ANAPC13: variants seen among roughly 807,000 people sequenced by gnomAD.
The protein encoded by ANAPC13 is anaphase promoting complex subunit 13.
A neutral mutation model predicts 9.6 loss-of-function variants in ANAPC13; 9 were observed. That is an observed-to-expected ratio of 0.94 (90% CI 0.57 to 1.64). The LOEUF is 1.64. Ranked by LOEUF, ANAPC13 falls within the 40% of genes most tolerant of loss-of-function variation. The pLI is 0.00. For synonymous variants in ANAPC13, 30 were observed against 29.7 expected (o/e 1.01, Z -0.03); for missense variants, 75 against 85.3 (o/e 0.88, Z 0.48).
intron 2 of ANAPC13, among the ~76,000 whole-genome samples, chr3:134,481,540 G>T (rs908284893): frequency 6.6e-6 from 1 of 152,184 alleles, no homozygotes; most frequent in African/African-American, 2.4e-5. Flanking sequence ...CGTATATGAT[G>T]TGGCTGTTTA....
intron 2 of ANAPC13, among the ~76,000 whole-genome samples, chr3:134,479,972 G>A (rs2107699718): frequency 6.6e-6 from 1 of 152,226 alleles, no homozygotes; most frequent in Non-Finnish European, 1.5e-5. Flanking sequence ...GCGATATCCA[G>A]ACTTAAAATT....
At chr3:134,480,770 G>A (rs2370578) in intron 2 of ANAPC13, among the ~76,000 whole-genome samples, 104,116 of 152,140 alleles carry the variant, frequency 0.68, 35,897 homozygotes, top group East Asian at 0.82. Flanking sequence ...GCACAACACA[G>A]GCAAGCCTGG....
At position 134,482,910 on chromosome 3, in the gene ANAPC13, T is replaced by G. The variant is rs751907598; in HGVS notation, c.-6A>C. The G allele has an allele frequency of 1.2e-6, 2 of 1,610,992 alleles. No homozygotes were observed. ...CTCTGAACCTCACTGTCCATTTTCC[T>G]GCAGCTTTGATCTTGTCAAATCTGT... On this transcript the variant is annotated 5_prime_UTR_variant, in exon 2 of 3. Transcript: ENST00000354910.
intron 1 of ANAPC13, among the ~76,000 whole-genome samples, chr3:134,484,851 T>A (rs1192673152): frequency 1.3e-5 from 2 of 152,246 alleles, no homozygotes; most frequent in South Asian, 2.1e-4. Context: ...AGGCCTTCTA[T>A]CCTTGAACTC....
In ANAPC13 at chr3:134,478,677, G is replaced by A; in HGVS notation, c.138C>T (p.Thr46=). ...TTTCTTGTTCTTTGACAGATTCTGTGGTGCCACCATTGTCTTGTTCAGGTT... is the reference window on the plus strand; with the variant it reads ...TTTCTTGTTCTTTGACAGATTCTGTAGTGCCACCATTGTCTTGTTCAGGTT... ...LPEPEQDNGG[T]TESVKEQEMK... The change falls in exon 3 of 3, where the codon ACC becomes ACT. Residue 46 remains threonine (T), a synonymous_variant. Transcript: ENST00000354910. The A allele has an allele frequency of 1.2e-6, 2 of 1,614,096 alleles. No homozygotes were observed. Among genetic ancestry groups the A allele is most frequent in the Non-Finnish European group, 1.7e-6 (2 of 1,179,996 alleles).
intron 2 of ANAPC13, among the ~76,000 whole-genome samples, chr3:134,480,134 G>T (rs1934704438): frequency 6.6e-6 from 1 of 152,194 alleles, no homozygotes; most frequent in African/African-American, 2.4e-5. Context: ...AGATTGAGAA[G>T]AGCTATCATT....
At chr3:134,480,658 GACCATGGC>G (rs975856782) in intron 2 of ANAPC13, among the ~76,000 whole-genome samples, 24 of 152,294 alleles carry the variant, frequency 1.6e-4, no homozygotes, top group Middle Eastern at 6.8e-3. Flanking sequence ...GGATACCAGA[GACCATGGC>G]ATAGTCACCC....
At chr3:134,484,861 C>T (rs185712786) in intron 1 of ANAPC13, among the ~76,000 whole-genome samples, 2 of 152,328 alleles carry the variant, frequency 1.3e-5, no homozygotes, top group African/African-American at 4.8e-5. Flanking sequence ...TCCTTGAACT[C>T]TTGCTTCTTG....
chr3:134,478,310 G>A lies in ANAPC13; in HGVS notation c.*280C>T. The A allele has an allele frequency of 3.0e-6, 1 of 332,898 alleles. No individual in the cohort carries two copies. The highest frequency in any genetic ancestry group is 5.5e-6 in the Non-Finnish European group (1 of 181,744). The allele number at this position is 332,898 out of a possible 1,614,324, so 20.6% of individuals were successfully genotyped here. A position where few individuals can be genotyped will look rare whatever the true frequency, so the allele number is the denominator to read the frequency against. On this transcript the variant is annotated 3_prime_UTR_variant, in exon 3 of 3. Coordinates refer to ENST00000354910, the MANE Select transcript of ANAPC13 (RefSeq NM_015391.4). ...AGTTGGAAGGTGTTAAACTTTGACA[G>A]CAAAGCAAAATCAGAGGTAGAGGCA...
intron 2 of ANAPC13, among the ~76,000 whole-genome samples, chr3:134,478,935 T>G (rs549875967): frequency 5.3e-5 from 8 of 152,336 alleles, no homozygotes; most frequent in Middle Eastern, 3.4e-3. Context: ...GCATTTTGAC[T>G]CTGACATTTG....
intron 2 of ANAPC13, among the ~76,000 whole-genome samples, chr3:134,482,154 T>C (rs531236041): frequency 6.6e-6 from 1 of 152,344 alleles, no homozygotes; most frequent in South Asian, 2.1e-4. Context: ...GCTGGCATGC[T>C]TTAAAGAAAA....
intron 2 of ANAPC13, among the ~76,000 whole-genome samples, chr3:134,479,173 G>A (rs567570177): frequency 1.8e-4 from 28 of 152,326 alleles, no homozygotes; most frequent in South Asian, 6.2e-4. Flanking sequence ...ACTCTGTGGG[G>A]TATCCAGTGC....
intron 2 of ANAPC13, among the ~76,000 whole-genome samples, chr3:134,479,402 A>T (rs1160124287): frequency 6.6e-6 from 1 of 151,942 alleles, no homozygotes; most frequent in African/African-American, 2.4e-5. Context: ...CAATGGCGTG[A>T]TCTCGGCTCA....
Position 134,482,925 on chromosome 3 carries a change from G to C in ANAPC13, c.-21C>G. ...TCCATTTTCCTGCAGCTTTGATCTT[G>C]TCAAATCTGTAAGCCAAAGAGGTTA... On this transcript the variant is annotated 5_prime_UTR_variant, in exon 2 of 3. Coordinates refer to ENST00000354910, the MANE Select transcript of ANAPC13 (RefSeq NM_015391.4). 1 of 1,579,570 alleles carries C rather than the reference G, an allele frequency of 6.3e-7. No individual in the cohort carries two copies. The highest frequency in any genetic ancestry group is 8.7e-7 in the Non-Finnish European group (1 of 1,148,520).
chr3:134,484,570 G>A (rs1285070976), intron 1 of ANAPC13, among the ~76,000 whole-genome samples: 1 of 152,184 alleles, frequency 6.6e-6, no homozygotes, highest in East Asian at 1.9e-4. Context: ...TGTCACCGGT[G>A]AGCCAGGTGA....
intron 2 of ANAPC13, among the ~76,000 whole-genome samples, chr3:134,479,319 A>G (rs932752028): frequency 5.9e-5 from 9 of 152,282 alleles, no homozygotes; most frequent in South Asian, 2.1e-4. Context: ...AATGTATCCA[A>G]AAAATTATCT....
Position 134,478,673 on chromosome 3 carries a change from C to G in ANAPC13, c.142G>C (p.Glu48Gln). The change falls in exon 3 of 3, where the codon GAA becomes CAA. Residue 48 changes from glutamate to glutamine, a missense_variant. Glu to Gln is a conservative substitution (Grantham distance 29). Coordinates refer to ENST00000354910, the MANE Select transcript of ANAPC13 (RefSeq NM_015391.4). ...EPEQDNGGTTESVKEQEMKWT... is the reference protein window; with the variant it reads ...EPEQDNGGTTQSVKEQEMKWT... ...TTCATTTCTTGTTCTTTGACAGATT[C>G]TGTGGTGCCACCATTGTCTTGTTCA... 2 of 1,614,142 alleles carry G rather than the reference C, an allele frequency of 1.2e-6. No individual in the cohort carries two copies. The highest frequency in any genetic ancestry group is 1.7e-6 in the Non-Finnish European group (2 of 1,180,024).
chr3:134,486,009 G>T (rs1184359190), upstream of ANAPC13: 4 of 729,124 alleles, frequency 5.5e-6, no homozygotes, highest in East Asian at 1.3e-4. Flanking sequence ...CCCCTCCCCC[G>T]CATCACGTGT....
intron 2 of ANAPC13, 96 bp downstream of exon 2, chr3:134,482,710 T>C (rs1934762765): frequency 3.1e-6 from 3 of 973,596 alleles, no homozygotes; most frequent in South Asian, 2.7e-5. Flanking sequence ...TTTGATTTCT[T>C]TGCCACACTA....
Sources: gnomAD v4.1 joint callset for allele counts (sites outside exome capture counted in the v4.1 genomes callset) on GRCh38, gnomAD v4.1.1 for gene constraint, MANE v1.5 for transcripts, NCBI Gene and HGNC (gene_info 2026-07-23, HGNC 2026-07-21) for gene names.